Variants in RASSF3 observed in about 807,000 individuals in gnomAD.
RASSF3 encodes the protein Ras association domain family member 3, also known as ras association domain-containing protein 3.
In RASSF3, 19 loss-of-function variants were observed where a neutral mutation model predicts 19.9. That is an observed-to-expected ratio of 0.96 (90% confidence interval 0.67 to 1.40). RASSF3 has a LOEUF of 1.40. Among genes scored for constraint, RASSF3 ranks in the 40% most tolerant of loss-of-function variants. RASSF3 has a pLI of 0.00. For missense variants in RASSF3, 306 were observed against 289.8 expected, an observed-to-expected ratio of 1.06 and a Z score of -0.41; for synonymous variants, 110 against 104.2, an observed-to-expected ratio of 1.06 and a Z score of -0.34.
intron 1 of RASSF3, among the ~76,000 whole-genome samples, chr12:64,613,927 A>C (rs1295013633): frequency 6.6e-6 from 1 of 152,062 alleles, no homozygotes; most frequent in Non-Finnish European, 1.5e-5. Context: ...CAGCCTGGGC[A>C]ACAGAGCGAG....
At chr12:64,542,912 T>A (rs529671872), downstream of RASSF3, among the ~76,000 whole-genome samples, 2 of 152,096 alleles carry the variant, frequency 1.3e-5, no homozygotes, top group African/African-American at 2.4e-5. Context: ...GCTCCCTCAG[T>A]CTGCAGGGAG....
At chr12:64,633,647 A>G (rs901912032) in intron 1 of RASSF3, among the ~76,000 whole-genome samples, 10 of 152,186 alleles carry the variant, frequency 6.6e-5, no homozygotes, top group Non-Finnish European at 1.2e-4. Context: ...TTTTATAGCA[A>G]TGAAGAAAAG....
At chr12:64,653,970 A>C (rs943324873) in intron 1 of RASSF3, 1 of 152,218 alleles carries the variant, frequency 6.6e-6, no homozygotes, top group Admixed American at 6.6e-5. Flanking sequence ...GTGGGCTGTT[A>C]GTGGATCCCC....
chr12:64,513,452 G>GAAAAAAAAAAAAAAAAAAA (rs67709932), intron 1 of RASSF3, among the ~76,000 whole-genome samples: 1 of 114,174 alleles, frequency 8.8e-6, no homozygotes. Flanking sequence ...CTCCATCTCA[G>GAAAAAAAAAAAAAAAAAAA]AAAAAAAAAA....
rs1380686095 is a variant in RASSF3 at position 64,696,130 on chromosome 12, C to CCT, written c.*1226_*1227dup. The CCT allele has an allele frequency of 7.8e-6, 1 of 127,538 alleles. No homozygotes were observed. Among genetic ancestry groups the CCT allele is most frequent in the Admixed American group, 8.2e-5 (1 of 12,166 alleles). 7.9% of individuals were successfully genotyped at this position (127,538 alleles called of 1,614,324 possible). A position where few individuals can be genotyped will look rare whatever the true frequency, so the allele number is the denominator to read the frequency against. On this transcript the variant is annotated 3_prime_UTR_variant, in exon 5 of 5. Transcript: ENST00000542104. ...CCCTCCCTCCCTCCCTCCTTCCCTCCCTCTCTCTCCCTCTCCCTTTCTTTT... is the reference window on the plus strand; with the variant it reads ...CCCTCCCTCCCTCCCTCCTTCCCTCCCTCTCTCTCTCCCTCTCCCTTTCTTTT...
intron 2 of RASSF3, among the ~76,000 whole-genome samples, chr12:64,572,863 T>G (rs73317565): frequency 0.015 from 2,308 of 152,264 alleles, 54 homozygotes; most frequent in African/African-American, 0.053. Flanking sequence ...CTATTTTTGT[T>G]ATGTTAGAGA....
upstream of RASSF3, among the ~76,000 whole-genome samples, chr12:64,530,142 T>C (rs969482516): frequency 2.0e-5 from 3 of 152,186 alleles, no homozygotes; most frequent in African/African-American, 7.2e-5. Context: ...TCTGATCTGC[T>C]TTCTGTCATT....
chr12:64,555,878 A>G (rs1012549484), intron 2 of RASSF3, among the ~76,000 whole-genome samples: 4 of 152,092 alleles, frequency 2.6e-5, no homozygotes, highest in Admixed American at 1.3e-4. Context: ...ACATAAAGAG[A>G]TCTATTAAAA....
intron 2 of RASSF3, among the ~76,000 whole-genome samples, chr12:64,604,921 G>A (rs115387251): frequency 4.0e-5 from 6 of 151,152 alleles, no homozygotes; most frequent in Admixed American, 6.6e-5. Context: ...CACCGTGCCC[G>A]GCCATGTAAC....
chr12:64,584,190 T>C (rs1869752167), intron 2 of RASSF3, among the ~76,000 whole-genome samples: 1 of 152,262 alleles, frequency 6.6e-6, no homozygotes, highest in South Asian at 2.1e-4. Context: ...CAGGCTTTGA[T>C]GCCAGCTTGA....
chr12:64,547,672 T>C (rs987223625), intron 2 of RASSF3, among the ~76,000 whole-genome samples: 1 of 152,210 alleles, frequency 6.6e-6, no homozygotes, highest in African/African-American at 2.4e-5. Flanking sequence ...TTGTCAGCTT[T>C]AGAGTTTGAT....
At chr12:64,518,344 T>C (rs1472725426) in intron 1 of RASSF3, among the ~76,000 whole-genome samples, 1 of 152,194 alleles carries the variant, frequency 6.6e-6, no homozygotes, top group Non-Finnish European at 1.5e-5. Context: ...TTCTGCAGAC[T>C]GTATAGGAAG....
At chr12:64,676,769 C>A (rs1872921475) in intron 1 of RASSF3, among the ~76,000 whole-genome samples, 1 of 149,320 alleles carries the variant, frequency 6.7e-6, no homozygotes, top group Admixed American at 6.7e-5. Context: ...TTGCACCTGG[C>A]CACTTTTTTT....
chr12:64,522,816 A>G (rs1374861158), intron 1 of RASSF3, among the ~76,000 whole-genome samples: 1 of 152,228 alleles, frequency 6.6e-6, no homozygotes, highest in African/African-American at 2.4e-5. Flanking sequence ...GTAGGAGTTT[A>G]AGATGCAACA....
chr12:64,640,669 G>T (rs555817242), intron 1 of RASSF3, among the ~76,000 whole-genome samples: 1 of 152,050 alleles, frequency 6.6e-6, no homozygotes, highest in South Asian at 2.1e-4. Flanking sequence ...TTGAGACAGG[G>T]TCTCACTCTG....
intron 1 of RASSF3, among the ~76,000 whole-genome samples, chr12:64,641,625 ATC>A (rs200524784): frequency 0.11 from 15,524 of 140,920 alleles, 1,234 homozygotes; most frequent in South Asian, 0.23. Flanking sequence ...GTGAGACCCC[ATC>A]TCTCTCTCTC....
At chr12:64,688,799 G>C (rs1873461502) in intron 3 of RASSF3, among the ~76,000 whole-genome samples, 2 of 152,198 alleles carry the variant, frequency 1.3e-5, no homozygotes, top group Admixed American at 1.3e-4. Flanking sequence ...GTGCCTCTGT[G>C]TTTGAAGTTT....
chr12:64,574,831 C>T (rs867589559), intron 2 of RASSF3, among the ~76,000 whole-genome samples: 6 of 152,184 alleles, frequency 3.9e-5, no homozygotes, highest in African/African-American at 1.4e-4. Flanking sequence ...CCCAGATCAC[C>T]TGATTGCCAC....
At chr12:64,686,270 G>A (rs1346641581) in intron 2 of RASSF3, among the ~76,000 whole-genome samples, 2 of 151,860 alleles carry the variant, frequency 1.3e-5, no homozygotes, top group African/African-American at 2.4e-5. Flanking sequence ...GCTGGGCACA[G>A]TGGCTCACAC....
Sources: allele counts gnomAD v4.1 joint callset (sites outside exome capture counted in the v4.1 genomes callset), GRCh38; gene constraint gnomAD v4.1.1; transcripts MANE v1.5; gene names NCBI Gene and HGNC (gene_info 2026-07-23, HGNC 2026-07-21).